DIAPH2: variants seen among roughly 807,000 people sequenced by gnomAD.
DIAPH2 encodes diaphanous related formin 2.
A neutral mutation model predicts 92.7 loss-of-function variants in DIAPH2; 35 were observed. That is an observed-to-expected ratio of 0.38 (90% CI 0.29 to 0.50). The LOEUF (loss-of-function observed/expected upper bound fraction) is 0.50. DIAPH2 is among the 20% of genes least tolerant of loss of function. The pLI is 0.94. For missense variants in DIAPH2, 701 were observed against 819.5 expected, an observed-to-expected ratio of 0.86 and a Z score of 1.77; for synonymous variants, 301 against 280.4, an observed-to-expected ratio of 1.07 and a Z score of -0.73.
chrX:97,347,115 G>C (rs1310692120), intron 23 of DIAPH2, among the ~76,000 whole-genome samples: 3 of 89,720 alleles, frequency 3.3e-5, no homozygotes, highest in African/African-American at 1.3e-4. Context: ...TTGAGACAGA[G>C]TCTCACACTG....
chrX:97,132,145 A>G (rs1299536316), intron 21 of DIAPH2, among the ~76,000 whole-genome samples: 3 of 112,185 alleles, frequency 2.7e-5, no homozygotes, highest in Non-Finnish European at 5.6e-5. Context: ...GATTGCTACC[A>G]TAAATTAGGC....
intron 23 of DIAPH2, among the ~76,000 whole-genome samples, chrX:97,313,884 C>T (rs1311055746): frequency 9.1e-6 from 1 of 109,989 alleles, no homozygotes; most frequent in African/African-American, 3.3e-5. Flanking sequence ...AAGTGATCCA[C>T]CCGCCTCGGC....
intron 22 of DIAPH2, among the ~76,000 whole-genome samples, chrX:97,209,017 A>T (rs972990529): frequency 9.0e-6 from 1 of 110,602 alleles, no homozygotes; most frequent in Non-Finnish European, 1.9e-5. Flanking sequence ...AATCATTTCT[A>T]ATTATTATGT....
intron 26 of DIAPH2, among the ~76,000 whole-genome samples, chrX:97,588,654 C>T (rs1389858442): frequency 9.1e-6 from 1 of 110,013 alleles, no homozygotes; most frequent in East Asian, 2.9e-4. Flanking sequence ...CGTGAAATAC[C>T]TTTATAAATG....
chrX:97,129,916 A>G (rs2067126956), intron 21 of DIAPH2, among the ~76,000 whole-genome samples: 1 of 112,117 alleles, frequency 8.9e-6, no homozygotes, highest in Non-Finnish European at 1.9e-5. Flanking sequence ...CTCAACCACA[A>G]CAAAACAACT....
At chrX:97,503,394 G>T (rs2070811683) in intron 26 of DIAPH2, among the ~76,000 whole-genome samples, 1 of 111,806 alleles carries the variant, frequency 8.9e-6, no homozygotes, top group Non-Finnish European at 1.9e-5. Flanking sequence ...GCTGACAAAA[G>T]TATAGGTGTG....
intron 19 of DIAPH2, among the ~76,000 whole-genome samples, chrX:97,084,026 A>G (rs1296547680): frequency 1.8e-5 from 2 of 111,334 alleles, no homozygotes; most frequent in African/African-American, 3.3e-5. Flanking sequence ...TTCCTTTACC[A>G]CATAGTATTT....
intron 17 of DIAPH2, among the ~76,000 whole-genome samples, chrX:97,069,135 T>C (rs2066652602): frequency 9.0e-6 from 1 of 110,655 alleles, no homozygotes; most frequent in Non-Finnish European, 1.9e-5. Flanking sequence ...GCTAATTTTG[T>C]ATTTTTTAGT....
At chrX:97,202,469 T>A (rs1346871819) in intron 22 of DIAPH2, among the ~76,000 whole-genome samples, 35 of 111,303 alleles carry the variant, frequency 3.1e-4, no homozygotes, top group Middle Eastern at 9.3e-3. Context: ...TGGAGGAGTA[T>A]TTACCAAGTA....
At chrX:96,871,218 C>T (rs1313509811) in intron 4 of DIAPH2, among the ~76,000 whole-genome samples, 1 of 110,940 alleles carries the variant, frequency 9.0e-6, no homozygotes, top group Non-Finnish European at 1.9e-5. Context: ...CCTGTAATCC[C>T]AGCACTTTGG....
chrX:96,952,120 G>T (rs1410812598), intron 15 of DIAPH2, among the ~76,000 whole-genome samples: 5 of 111,612 alleles, frequency 4.5e-5, no homozygotes, highest in African/African-American at 1.6e-4. Flanking sequence ...ACTATAAAAT[G>T]AGACTGTTTT....
At chrX:97,090,632 T>C (rs1385210832) in intron 19 of DIAPH2, among the ~76,000 whole-genome samples, 1 of 111,228 alleles carries the variant, frequency 9.0e-6, no homozygotes, top group Non-Finnish European at 1.9e-5. Context: ...AAAATGTCCC[T>C]GAATGGCTCA....
chrX:97,303,789 A>G (rs996951070), intron 23 of DIAPH2, among the ~76,000 whole-genome samples: 13 of 111,992 alleles, frequency 1.2e-4, no homozygotes, highest in Middle Eastern at 4.2e-3. Context: ...GGGCTATACT[A>G]TAAAACATTT....
intron 26 of DIAPH2, among the ~76,000 whole-genome samples, chrX:97,461,502 G>A (rs1373939801): frequency 3.6e-5 from 4 of 111,573 alleles, no homozygotes; most frequent in Non-Finnish European, 7.5e-5. Flanking sequence ...TTACAGAACT[G>A]GTTAATCCAT....
chrX:96,930,660 A>G (rs2065613400), intron 9 of DIAPH2, 73 bp from the exon 10 acceptor site: 1 of 727,892 alleles, frequency 1.4e-6, no homozygotes, highest in East Asian at 3.6e-5. Flanking sequence ...CCTTTAGTGA[A>G]TATATTATCT....
rs1287455666 is a variant in DIAPH2 at position 97,602,069 on chromosome X, CT to C, written c.*2754del. On this transcript the variant is annotated 3_prime_UTR_variant, in exon 27 of 27. Transcript: ENST00000324765. ...AGGATAATCTCCTCACCTCATGAGTCTTAACTTAATTACATCTGCAAGGCCC... is the reference window on the plus strand; with the variant it reads ...AGGATAATCTCCTCACCTCATGAGTCTAACTTAATTACATCTGCAAGGCCC... 8.9e-6 allele frequency: 1 copy of C among 112,096 alleles called. No homozygotes were observed. Among genetic ancestry groups the C allele is most frequent in the African/African-American group, 3.2e-5 (1 of 30,802 alleles). The allele number at this position is 112,096 out of a possible 1,213,427, so 9.2% of individuals were successfully genotyped here. A position where few individuals can be genotyped will look rare whatever the true frequency, so the allele number is the denominator to read the frequency against.
intron 4 of DIAPH2, among the ~76,000 whole-genome samples, chrX:96,793,400 C>G (rs1307622561): frequency 8.9e-6 from 1 of 112,656 alleles, no homozygotes; most frequent in Non-Finnish European, 1.9e-5. Context: ...AGCTCCTGAT[C>G]ACAGGTGATC....
intron 26 of DIAPH2, among the ~76,000 whole-genome samples, chrX:97,459,246 G>A (rs998510107): frequency 2.7e-5 from 3 of 111,940 alleles, no homozygotes; most frequent in African/African-American, 9.7e-5. Flanking sequence ...AGTCCATTGG[G>A]TTAAGGAGAG....
intron 26 of DIAPH2, among the ~76,000 whole-genome samples, chrX:97,517,449 C>T (rs2070957734): frequency 8.9e-6 from 1 of 111,901 alleles, no homozygotes; most frequent in African/African-American, 3.2e-5. Flanking sequence ...ATGTCACTCT[C>T]ACCTGTAAGG....
Sources: gnomAD v4.1 joint callset for allele counts (sites outside exome capture counted in the v4.1 genomes callset) on GRCh38, gnomAD v4.1.1 for gene constraint, MANE v1.5 for transcripts, NCBI Gene and HGNC (gene_info 2026-07-23, HGNC 2026-07-21) for gene names.